Variants in CPEB2 observed in about 807,000 individuals in gnomAD.
The protein encoded by CPEB2 is cytoplasmic polyadenylation element binding protein 2, also known as cytoplasmic polyadenylation element-binding protein 2.
A neutral mutation model predicts 93.6 loss-of-function variants in CPEB2; 56 were observed. That is an observed-to-expected ratio of 0.60 (90% CI 0.48 to 0.75). CPEB2 has a LOEUF of 0.75. CPEB2 is among the 30% of genes least tolerant of loss of function. The probability of loss-of-function intolerance (pLI) is 0.00; values close to 1 mark genes in which losing one functional copy is unlikely to be tolerated. For synonymous variants in CPEB2, 764 were observed against 586.3 expected (o/e 1.30, Z -4.38); for missense variants, 1,579 against 1,395.1 (o/e 1.13, Z -2.10).
intron 4 of CPEB2, among the ~76,000 whole-genome samples, chr4:15,032,894 A>C (rs915253827): frequency 2.6e-5 from 4 of 152,168 alleles, no homozygotes; most frequent in Admixed American, 1.3e-4. Flanking sequence ...AAAATAAATA[A>C]GCTTTATTCT....
intron 4 of CPEB2, 80 bp from the exon 5 acceptor site, chr4:15,033,078 TTTG>T (rs1252992895): frequency 1.3e-5 from 12 of 916,466 alleles, no homozygotes; most frequent in African/African-American, 3.4e-5. Context: ...TTATGCTGCC[TTTG>T]TTGTTGTTTT....
Position 15,047,123 on chromosome 4 carries a change from TTCCATTTATCTGTCTAATATC to T in CPEB2, c.2201-5290_2201-5270del, listed in dbSNP as rs1727785171. ...AGGCCCATTTCTAGACTCTATTATG[TTCCATTTATCTGTCTAATATC>T]AGTTTTACAGTCTCAATAACTATAG... On this transcript the variant is annotated intron_variant, in intron 6 of 11. Transcript: ENST00000538197. 2.6e-5 allele frequency among the ~76,000 whole-genome samples: 4 copies of T among 152,312 alleles called. No individual in the cohort carries two copies. In the South Asian group the frequency reaches 8.3e-4, roughly 32 times the overall value.
intron 3 of CPEB2, among the ~76,000 whole-genome samples, chr4:15,011,731 A>G (rs557190136): frequency 3.0e-4 from 45 of 152,332 alleles, no homozygotes; most frequent in African/African-American, 1.1e-3. Context: ...AAGTGAGGTT[A>G]TTATTACTTA....
intron 10 of CPEB2, among the ~76,000 whole-genome samples, chr4:15,060,981 A>G (rs1409659162): frequency 6.6e-6 from 1 of 152,152 alleles, no homozygotes; most frequent in Non-Finnish European, 1.5e-5. Context: ...GAAAGAATGA[A>G]GCCAAAGATC....
chr4:15,045,957 T>C (rs557733123), intron 6 of CPEB2, among the ~76,000 whole-genome samples: 47 of 152,344 alleles, frequency 3.1e-4, no homozygotes, highest in African/African-American at 9.4e-4. Flanking sequence ...TTATTTCTTA[T>C]TGGTGAATAA....
In CPEB2 at chr4:15,017,199, A is replaced by G; in HGVS notation, c.2046A>G (p.Arg682=). Residue 682 remains arginine, a synonymous_variant, in exon 4 of 12, where the codon AGA becomes AGG. Coordinates refer to ENST00000538197, the MANE Select transcript of CPEB2 (RefSeq NM_001177382.2). ...CTCTTCTCTTCCAGGATCGAAGTAG[A>G]ATGTATGACAGTTTGAATATGCACT... The part of the protein sequence containing the change: ...GTSRIDQDRS[R]MYDSLNMHSL... 6.3e-7 allele frequency: 1 copy of G among 1,582,634 alleles called. No individual in the cohort carries two copies. The highest frequency in any genetic ancestry group is 8.7e-7 in the Non-Finnish European group (1 of 1,154,006).
At chr4:15,047,241 G>A (rs932387471) in intron 6 of CPEB2, among the ~76,000 whole-genome samples, 4 of 151,980 alleles carry the variant, frequency 2.6e-5, no homozygotes, top group African/African-American at 7.2e-5. Flanking sequence ...TGTTTTGTAC[G>A]CTCTCCTTGA....
At chr4:15,059,788 A>C (rs578145823) in intron 10 of CPEB2, among the ~76,000 whole-genome samples, 1 of 152,154 alleles carries the variant, frequency 6.6e-6, no homozygotes, top group Non-Finnish European at 1.5e-5. Context: ...TCACAGAGGA[A>C]TATAATTGTA....
chr4:15,003,399 G>A lies in CPEB2; in HGVS notation c.726G>A (p.Gln242=), dbSNP rs1349152365. The A allele has an allele frequency of 4.4e-6, 6 of 1,368,806 alleles. No homozygotes were observed. Among genetic ancestry groups the A allele is most frequent in the East Asian group, 3.1e-5 (1 of 32,342 alleles). 84.8% of individuals were successfully genotyped at this position (1,368,806 alleles called of 1,614,324 possible). Residue 242 remains glutamine (Q), a synonymous_variant, in exon 1 of 12, where the codon CAG becomes CAA. Coordinates refer to ENST00000538197, the MANE Select transcript of CPEB2 (RefSeq NM_001177382.2). ...PPQQFSLLHQ[Q]HLSPQDFAPR... Reference sequence around the variant, plus strand: ...AGCAGTTCAGCCTCCTGCATCAGCAGCACCTCTCGCCGCAGGACTTCGCCC... The same window carrying A: ...AGCAGTTCAGCCTCCTGCATCAGCAACACCTCTCGCCGCAGGACTTCGCCC...
chr4:15,045,014 C>G (rs1172727585), intron 6 of CPEB2, among the ~76,000 whole-genome samples: 1 of 152,102 alleles, frequency 6.6e-6, no homozygotes, highest in Non-Finnish European at 1.5e-5. Context: ...AGGTAGGGTT[C>G]TTGAACTCAT....
chr4:15,052,354 T>C, intron 6 of CPEB2, 60 bp from the exon 7 acceptor site: 2 of 1,148,198 alleles, frequency 1.7e-6, no homozygotes, highest in Non-Finnish European at 2.3e-6. Context: ...GGTATTTTTA[T>C]GCTTAAATTT....
intron 3 of CPEB2, chr4:15,010,608 A>G (rs953552630): frequency 6.6e-6 from 1 of 152,220 alleles, no homozygotes; most frequent in African/African-American, 2.4e-5. Context: ...AATGTTGGGT[A>G]GTTTCTCATT....
chr4:15,004,398 CG>C (rs1468136108), intron 1 of CPEB2, 63 bp downstream of exon 1: 22 of 1,254,866 alleles, frequency 1.8e-5, no homozygotes, highest in Non-Finnish European at 2.1e-5. Context: ...GGGACGGAGG[CG>C]GGGGCAGGGC....
In CPEB2 at chr4:15,017,196, T is replaced by G; in HGVS notation, c.2043T>G (p.Ser681Arg). 1.3e-6 allele frequency: 2 copies of G among 1,578,854 alleles called. No homozygotes were observed. The highest frequency in any genetic ancestry group is 1.7e-6 in the Non-Finnish European group (2 of 1,150,576). The stretch of plus-strand genomic sequence containing the variant: ...TTCCTCTTCTCTTCCAGGATCGAAG[T>G]AGAATGTATGACAGTTTGAATATGC... Reference protein sequence around the residue: ...AGTSRIDQDRSRMYDSLNMHS... With the variant: ...AGTSRIDQDRRRMYDSLNMHS... The change falls in exon 4 of 12, where the codon AGT becomes AGG. Residue 681 changes from serine to arginine, a missense_variant. Ser to Arg is a moderately radical substitution (Grantham distance 110). Coordinates refer to ENST00000538197, the MANE Select transcript of CPEB2 (RefSeq NM_001177382.2).
At chr4:15,020,869 T>C (rs769524963) in intron 4 of CPEB2, among the ~76,000 whole-genome samples, 11 of 152,074 alleles carry the variant, frequency 7.2e-5, no homozygotes, top group Non-Finnish European at 1.3e-4. Context: ...TGGAGGAAGA[T>C]TATGAGGTGT....
rs776421758 is a variant in CPEB2 at position 15,007,449 on chromosome 4, T to C, written c.1807T>C (p.Leu603=). 13 of 1,614,112 alleles carry C rather than the reference T, an allele frequency of 8.1e-6. No homozygotes were observed. Among genetic ancestry groups the C allele is most frequent in the South Asian group, 4.4e-5 (4 of 91,080 alleles). Residue 603 remains leucine, a synonymous_variant, in exon 2 of 12, where the codon TTG becomes CTG. Coordinates refer to ENST00000538197, the MANE Select transcript of CPEB2 (RefSeq NM_001177382.2). ...IPGTMNQISP[L]KKPFSGNVIA... ...AGGAACTATGAATCAGATATCTCCATTGAAGAAACCGTTTTCTGGTAATGT... is the reference window on the plus strand; with the variant it reads ...AGGAACTATGAATCAGATATCTCCACTGAAGAAACCGTTTTCTGGTAATGT...
At chr4:15,040,387 T>C in intron 5 of CPEB2, 77 bp from the exon 6 acceptor site, 7 of 1,378,096 alleles carry the variant, frequency 5.1e-6, no homozygotes, top group Non-Finnish European at 7.0e-6. Context: ...ACATAGCTTT[T>C]CGTATCAGAA....
chr4:15,035,478 G>C (rs1281093210), intron 5 of CPEB2, among the ~76,000 whole-genome samples: 1 of 152,166 alleles, frequency 6.6e-6, no homozygotes, highest in Non-Finnish European at 1.5e-5. Flanking sequence ...TGTTAGCTAA[G>C]TAGTGGGTGA....
intron 11 of CPEB2, among the ~76,000 whole-genome samples, chr4:15,064,192 A>AT (rs993167447): frequency 2.0e-5 from 3 of 152,032 alleles, no homozygotes; most frequent in African/African-American, 7.2e-5. Context: ...AATTCATTAT[A>AT]TTTTTTTGTA....
Sources: allele counts gnomAD v4.1 joint callset (sites outside exome capture counted in the v4.1 genomes callset), GRCh38; gene constraint gnomAD v4.1.1; transcripts MANE v1.5; gene names NCBI Gene and HGNC (gene_info 2026-07-23, HGNC 2026-07-21).